The following AGBL1 variants were observed in gnomAD, a reference collection of about 807,000 sequenced individuals.
AGBL1 encodes the protein AGBL carboxypeptidase 1, also known as cytosolic carboxypeptidase 4.
A neutral mutation model predicts 118.9 loss-of-function variants in AGBL1; 130 were observed. That is an observed-to-expected ratio of 1.09 (90% CI 0.95 to 1.26). The LOEUF is 1.26. Among genes scored for constraint, AGBL1 ranks in the 50% most tolerant of loss-of-function variants. The pLI is 0.00. For synonymous variants in AGBL1, 555 were observed against 478.9 expected, an observed-to-expected ratio of 1.16 and a Z score of -2.08; for missense variants, 1,584 against 1,298.1, an observed-to-expected ratio of 1.22 and a Z score of -3.38.
intron 19 of AGBL1, among the ~76,000 whole-genome samples, chr15:86,523,804 A>G (rs1326044369): frequency 1.3e-5 from 2 of 152,204 alleles, no homozygotes; most frequent in African/African-American, 2.4e-5. Context: ...AAAAAACACT[A>G]TTTGAAACCA....
chr15:86,831,005 C>A (rs905030229), intron 22 of AGBL1, among the ~76,000 whole-genome samples: 1 of 152,106 alleles, frequency 6.6e-6, no homozygotes, highest in Admixed American at 6.6e-5. Flanking sequence ...ACAATTATGG[C>A]AGAAGGCAAA....
At chr15:86,966,332 T>A (rs910454364) in intron 23 of AGBL1, among the ~76,000 whole-genome samples, 3 of 151,746 alleles carry the variant, frequency 2.0e-5, no homozygotes, top group Non-Finnish European at 2.9e-5. Context: ...ATCTTTTTTT[T>A]TTATTATTAT....
At chr15:86,604,245 ATAAT>A (rs2084539541) in intron 21 of AGBL1, among the ~76,000 whole-genome samples, 2 of 152,188 alleles carry the variant, frequency 1.3e-5, no homozygotes, top group Admixed American at 1.3e-4. Flanking sequence ...CAATTAGATG[ATAAT>A]TAACATTCTC....
At chr15:86,739,115 C>T (rs1000962413) in intron 22 of AGBL1, among the ~76,000 whole-genome samples, 5 of 152,184 alleles carry the variant, frequency 3.3e-5, no homozygotes, top group African/African-American at 1.2e-4. Context: ...CACTGCATTC[C>T]AGTCTGGGTG....
At chr15:86,653,037 CA>C (rs1390293616) in intron 21 of AGBL1, among the ~76,000 whole-genome samples, 1 of 152,200 alleles carries the variant, frequency 6.6e-6, no homozygotes, top group East Asian at 1.9e-4. Context: ...TAGACCCTAA[CA>C]AATGCGTTTT....
intron 22 of AGBL1, among the ~76,000 whole-genome samples, chr15:86,753,366 A>G (rs1231869893): frequency 2.0e-5 from 3 of 150,806 alleles, no homozygotes; most frequent in African/African-American, 4.9e-5. Flanking sequence ...AACCTGGGGC[A>G]GGAATCAAGG....
At chr15:86,799,139 A>G (rs924850724) in intron 22 of AGBL1, among the ~76,000 whole-genome samples, 2 of 151,384 alleles carry the variant, frequency 1.3e-5, no homozygotes, top group African/African-American at 4.8e-5. Context: ...TTGTATCTGA[A>G]TGCAATTGTA....
chr15:86,882,868 A>C (rs1038350579), intron 22 of AGBL1, among the ~76,000 whole-genome samples: 1 of 152,230 alleles, frequency 6.6e-6, no homozygotes, highest in Admixed American at 6.5e-5. Context: ...TTTTCTTTTT[A>C]AAAACATATT....
chr15:86,420,734 C>T (rs563407653), intron 18 of AGBL1, among the ~76,000 whole-genome samples: 2 of 152,142 alleles, frequency 1.3e-5, no homozygotes, highest in South Asian at 2.1e-4. Context: ...AGAGGAATTG[C>T]TAACTAGAAT....
chr15:86,454,112 C>T (rs1024111565), intron 18 of AGBL1, among the ~76,000 whole-genome samples: 1 of 152,164 alleles, frequency 6.6e-6, no homozygotes, highest in African/African-American at 2.4e-5. Context: ...CTTTTTCTCG[C>T]TCTCTTCACC....
chr15:86,997,890 GACACAC>G (rs3030280), intron 24 of AGBL1, among the ~76,000 whole-genome samples: 10,656 of 145,720 alleles, frequency 0.073, 458 homozygotes, highest in African/African-American at 0.12. Context: ...ACATGTGGAA[GACACAC>G]ACACACACAC....
intron 22 of AGBL1, among the ~76,000 whole-genome samples, chr15:86,792,497 A>T (rs2078508947): frequency 6.6e-6 from 1 of 152,162 alleles, no homozygotes; most frequent in South Asian, 2.1e-4. Flanking sequence ...TTTTATTGGG[A>T]GTTTCATATG....
At chr15:86,945,137 T>C (rs8028341) in intron 23 of AGBL1, among the ~76,000 whole-genome samples, 107,204 of 151,100 alleles carry the variant, frequency 0.71, 38,969 homozygotes, top group South Asian at 0.89. Context: ...CCTAGCTACT[T>C]GGGAGGCTGA....
At chr15:86,748,724 A>T (rs1033331158) in intron 22 of AGBL1, among the ~76,000 whole-genome samples, 1 of 151,946 alleles carries the variant, frequency 6.6e-6, no homozygotes, top group South Asian at 2.1e-4. Flanking sequence ...AGCTTTCTAC[A>T]TATGGCTAGT....
intron 5 of AGBL1, among the ~76,000 whole-genome samples, chr15:86,177,713 A>C (rs2077500179): frequency 2.6e-5 from 4 of 152,256 alleles, no homozygotes; most frequent in Admixed American, 2.6e-4. Context: ...AGAAGAAATC[A>C]AAAGTGAAAC....
chr15:86,619,656 C>T (rs1021844212), intron 21 of AGBL1, among the ~76,000 whole-genome samples: 1 of 152,064 alleles, frequency 6.6e-6, no homozygotes, highest in Non-Finnish European at 1.5e-5. Context: ...TCCTTTTGGC[C>T]TCTGATTCCC....
chr15:86,660,893 A>T (rs887588583), intron 21 of AGBL1, among the ~76,000 whole-genome samples: 1 of 152,216 alleles, frequency 6.6e-6, no homozygotes, highest in Non-Finnish European at 1.5e-5. Flanking sequence ...CAAAACTTGA[A>T]GGAAAATAAT....
At chr15:86,868,639 A>G (rs771897959) in intron 22 of AGBL1, among the ~76,000 whole-genome samples, 1 of 152,236 alleles carries the variant, frequency 6.6e-6, no homozygotes, top group African/African-American at 2.4e-5. Context: ...AAATATGACT[A>G]TCTAGAACGA....
At chr15:86,591,653 C>G (rs2084337320) in intron 21 of AGBL1, among the ~76,000 whole-genome samples, 1 of 152,168 alleles carries the variant, frequency 6.6e-6, no homozygotes, top group African/African-American at 2.4e-5. Flanking sequence ...CATCCCCTCT[C>G]TAGGTGGGCC....
Sources: gnomAD v4.1 joint callset for allele counts (sites outside exome capture counted in the v4.1 genomes callset) on GRCh38, gnomAD v4.1.1 for gene constraint, MANE v1.5 for transcripts, NCBI Gene and HGNC (gene_info 2026-07-23, HGNC 2026-07-21) for gene names.